The following DCUN1D4 variants were observed in gnomAD, a reference collection of about 807,000 sequenced individuals.
DCUN1D4 encodes DCN1-like protein 4.
Under a neutral mutation model 47.9 loss-of-function variants are expected in DCUN1D4, and 22 were observed. The observed-to-expected ratio is 0.46, with a 90% CI of 0.33 to 0.66. DCUN1D4 has a LOEUF of 0.66. Ranked by LOEUF, DCUN1D4 falls within the 30% of genes least tolerant of loss-of-function variation. DCUN1D4 has a pLI of 0.02. For synonymous variants in DCUN1D4, 121 were observed against 112.2 expected, an observed-to-expected ratio of 1.08 and a Z score of -0.50; for missense variants, 301 against 340.8, an observed-to-expected ratio of 0.88 and a Z score of 0.92.
intron 1 of DCUN1D4, among the ~76,000 whole-genome samples, chr4:51,860,278 A>G (rs1053509998): frequency 6.6e-6 from 1 of 152,094 alleles, no homozygotes; most frequent in Non-Finnish European, 1.5e-5. Context: ...GAAATGGATA[A>G]TTGGTGACAT....
At chr4:51,885,093 A>G (rs1348249203) in intron 5 of DCUN1D4, 1 of 152,182 alleles carries the variant, frequency 6.6e-6, no homozygotes, top group Non-Finnish European at 1.5e-5. Context: ...GATCATAGAG[A>G]ACCTTATGTG....
At chr4:51,837,154 T>G in the DCUN1D4 span, among the ~76,000 whole-genome samples, 1 of 152,204 alleles carries the variant, frequency 6.6e-6, no homozygotes, top group African/African-American at 2.4e-5. Context: ...ATTAGCTCAA[T>G]GCAGAATAAG....
chr4:51,871,299 CATAAG>C (rs976608333), intron 3 of DCUN1D4, among the ~76,000 whole-genome samples: 3 of 152,028 alleles, frequency 2.0e-5, no homozygotes, highest in Non-Finnish European at 4.4e-5. Context: ...AAGAAAGAAA[CATAAG>C]AGAAAGCTGA....
chr4:51,903,363 A>G (rs1732401278), intron 8 of DCUN1D4, among the ~76,000 whole-genome samples: 1 of 152,002 alleles, frequency 6.6e-6, no homozygotes, highest in Admixed American at 6.5e-5. Context: ...TGTAATTATA[A>G]ATCTGGTGTC....
At chr4:51,859,638 C>CAAAAAAAAAA (rs35981680) in intron 1 of DCUN1D4, among the ~76,000 whole-genome samples, 1 of 39,494 alleles carries the variant, frequency 2.5e-5, no homozygotes, top group Admixed American at 5.0e-4. Flanking sequence ...TTAAAACAAG[C>CAAAAAAAAAA]AAAAAAAAAA....
intron 6 of DCUN1D4, among the ~76,000 whole-genome samples, chr4:51,889,943 C>CA (rs1399262525): frequency 1.3e-5 from 2 of 151,624 alleles, no homozygotes; most frequent in South Asian, 2.1e-4. Flanking sequence ...ATTTTTAATC[C>CA]AAAAAAAACC....
intron 8 of DCUN1D4, among the ~76,000 whole-genome samples, chr4:51,904,132 G>GT (rs1732523323): frequency 6.6e-6 from 1 of 151,864 alleles, no homozygotes; most frequent in African/African-American, 2.4e-5. Flanking sequence ...GAGTTTGTTT[G>GT]TTTTTTAAGT....
At chr4:51,842,950 T>C (rs1721829151), upstream of DCUN1D4, 1 of 895,204 alleles carries the variant, frequency 1.1e-6, no homozygotes, top group Non-Finnish European at 1.5e-6. Flanking sequence ...GAGCATGGCC[T>C]CCGCCAGGGG....
At chr4:51,843,639 G>A in intron 1 of DCUN1D4, 6 of 1,257,126 alleles carry the variant, frequency 4.8e-6, no homozygotes, top group Non-Finnish European at 6.0e-6. Context: ...GATGTGGGGG[G>A]GTGGCACCGG....
At chr4:51,870,612 A>G (rs1726738337) in intron 3 of DCUN1D4, among the ~76,000 whole-genome samples, 1 of 152,010 alleles carries the variant, frequency 6.6e-6, no homozygotes, top group Admixed American at 6.5e-5. Flanking sequence ...GTATCTTATT[A>G]TTACTGTAAT....
At chr4:51,886,511 T>C (rs1729497567) in intron 5 of DCUN1D4, 57 bp from the exon 6 acceptor site, 1 of 1,408,296 alleles carries the variant, frequency 7.1e-7, no homozygotes, top group African/African-American at 1.4e-5. Context: ...ACTACTACAG[T>C]GGTAATAGTA....
At chr4:51,844,963 C>T in intron 1 of DCUN1D4, 2 of 985,430 alleles carry the variant, frequency 2.0e-6, no homozygotes, top group African/African-American at 3.5e-5. Context: ...GGAGCGACTC[C>T]CCAGCCCTTC....
intron 1 of DCUN1D4, among the ~76,000 whole-genome samples, chr4:51,850,738 G>A (rs1723242579): frequency 6.6e-6 from 1 of 152,134 alleles, no homozygotes; most frequent in Non-Finnish European, 1.5e-5. Context: ...AGGGGTGCAT[G>A]CAGGCACCCC....
chr4:51,903,754 C>G (rs2110112582), intron 8 of DCUN1D4, among the ~76,000 whole-genome samples: 1 of 152,112 alleles, frequency 6.6e-6, no homozygotes, highest in East Asian at 1.9e-4. Context: ...TTTTCTTTTG[C>G]AGTGTTTAAT....
chr4:51,844,236 T>G, intron 1 of DCUN1D4: 5 of 734,848 alleles, frequency 6.8e-6, no homozygotes, highest in Non-Finnish European at 8.2e-6. Flanking sequence ...AGACTGTGCT[T>G]AGGGGAGGTA....
intron 5 of DCUN1D4, among the ~76,000 whole-genome samples, chr4:51,883,462 A>T (rs1439175143): frequency 1.3e-5 from 2 of 152,232 alleles, no homozygotes; most frequent in African/African-American, 4.8e-5. Flanking sequence ...TGCACTCTCA[A>T]ACCAAAGAAA....
chr4:51,861,700 T>C (rs912406053), intron 1 of DCUN1D4, among the ~76,000 whole-genome samples: 2 of 152,178 alleles, frequency 1.3e-5, no homozygotes, highest in Non-Finnish European at 2.9e-5. Flanking sequence ...TTTTGTTTTT[T>C]TGGGGGCCCA....
At chr4:51,874,619 T>C (rs1727402667) in intron 4 of DCUN1D4, 1 of 376,732 alleles carries the variant, frequency 2.7e-6, no homozygotes, top group Non-Finnish European at 4.8e-6. Flanking sequence ...TCTTAATCCA[T>C]TGATCGCCCA....
At position 51,859,355 on chromosome 4, in the gene DCUN1D4, C is replaced by A. The variant is rs150654364; in HGVS notation, c.26-4082C>A. On this transcript the variant is annotated intron_variant, in intron 1 of 10. Transcript: ENST00000334635. ...GCGTTCTTGTCCCAGTTATATTTTG[C>A]AAGTGACTATGGTATAAAGGGAAGT... is the stretch of plus-strand genomic sequence containing the variant. Among the ~76,000 whole-genome samples the A allele has an allele frequency of 2.8e-3, 432 of 152,098 alleles. 2 individuals are homozygous for A. The highest frequency in any genetic ancestry group is 1.0e-2 in the African/African-American group (413 of 41,496).
Sources: gnomAD v4.1 joint callset for allele counts (sites outside exome capture counted in the v4.1 genomes callset) on GRCh38, gnomAD v4.1.1 for gene constraint, MANE v1.5 for transcripts, NCBI Gene and HGNC (gene_info 2026-07-23, HGNC 2026-07-21) for gene names.